Variants in C1QTNF3 observed in about 807,000 individuals in gnomAD.
C1QTNF3 encodes C1q and TNF related 3.
In C1QTNF3, 26 loss-of-function variants were observed where a neutral mutation model predicts 32.6. The ratio of observed to expected loss-of-function variants is 0.80; its 90% CI spans 0.58 to 1.11. The LOEUF is 1.11. Among genes scored for constraint, C1QTNF3 ranks in the 50% least tolerant of loss-of-function variants. The pLI is 0.00. For missense variants in C1QTNF3, 362 were observed against 398.2 expected (o/e 0.91, Z 0.77); for synonymous variants, 155 against 146.0 (o/e 1.06, Z -0.44).
the C1QTNF3 span, among the ~76,000 whole-genome samples, chr5:34,196,811 C>T: frequency 2.6e-5 from 4 of 152,030 alleles, no homozygotes; most frequent in Admixed American, 6.6e-5. Context: ...AGGCGCCCGC[C>T]ACCACGCCCG....
chr5:34,066,733 G>T, the C1QTNF3 span, among the ~76,000 whole-genome samples: 1 of 152,178 alleles, frequency 6.6e-6, no homozygotes, highest in East Asian at 1.9e-4. Context: ...GGGAGGTTCT[G>T]CCATGAAGAC....
the C1QTNF3 span, among the ~76,000 whole-genome samples, chr5:34,072,643 G>T: frequency 6.6e-6 from 1 of 152,096 alleles, no homozygotes; most frequent in Non-Finnish European, 1.5e-5. Flanking sequence ...AAAATCATGA[G>T]ACTTAATTTC....
chr5:34,121,376 G>C, the C1QTNF3 span, among the ~76,000 whole-genome samples: 68,631 of 151,830 alleles, frequency 0.45, 18,062 homozygotes, highest in Non-Finnish European at 0.58. Context: ...TTTAATTGGA[G>C]GTACAGTTCC....
chr5:34,178,150 G>A, the C1QTNF3 span, among the ~76,000 whole-genome samples: 4 of 148,224 alleles, frequency 2.7e-5, no homozygotes, highest in Non-Finnish European at 4.5e-5. Context: ...GCATGGTGGT[G>A]CATGCCTGTA....
At chr5:34,169,579 T>G in the C1QTNF3 span, among the ~76,000 whole-genome samples, 8 of 152,196 alleles carry the variant, frequency 5.3e-5, no homozygotes, top group African/African-American at 1.9e-4. Context: ...TTCGTTCTGT[T>G]GATTGTATCC....
At chr5:34,107,788 A>C in the C1QTNF3 span, among the ~76,000 whole-genome samples, 1,024 of 152,178 alleles carry the variant, frequency 6.7e-3, 10 homozygotes, top group African/African-American at 0.023. Context: ...TTTCCTCCCA[A>C]TAAATGTTAC....
At chr5:34,129,917 T>C in the C1QTNF3 span, among the ~76,000 whole-genome samples, 1 of 152,094 alleles carries the variant, frequency 6.6e-6, no homozygotes, top group Admixed American at 6.5e-5. Context: ...CATAACATTT[T>C]TTTCCTTCAG....
chr5:34,176,201 A>C, the C1QTNF3 span, among the ~76,000 whole-genome samples: 1 of 145,592 alleles, frequency 6.9e-6, no homozygotes, highest in Non-Finnish European at 1.5e-5. Context: ...GGAATTGAAC[A>C]ATGAGATCAC....
chr5:34,045,750 G>A (rs571146161), upstream of C1QTNF3, among the ~76,000 whole-genome samples: 1 of 151,976 alleles, frequency 6.6e-6, no homozygotes, highest in South Asian at 2.1e-4. Flanking sequence ...TCTGCCATTG[G>A]CCCATTATTG....
chr5:34,225,350 C>A, the C1QTNF3 span, among the ~76,000 whole-genome samples: 45 of 151,984 alleles, frequency 3.0e-4, 1 homozygote, highest in African/African-American at 9.9e-4. Context: ...TTTAAAATAT[C>A]TCTACACAAT....
At chr5:34,123,189 G>A in the C1QTNF3 span, among the ~76,000 whole-genome samples, 1 of 152,128 alleles carries the variant, frequency 6.6e-6, no homozygotes, top group Non-Finnish European at 1.5e-5. Flanking sequence ...ATCACAGAGA[G>A]CACCAACTAA....
the C1QTNF3 span, among the ~76,000 whole-genome samples, chr5:34,224,971 C>G: frequency 1.8e-4 from 27 of 152,058 alleles, no homozygotes; most frequent in Non-Finnish European, 3.8e-4. Flanking sequence ...AAACAAACAA[C>G]CTCATCAAAA....
chr5:34,229,514 A>G, the C1QTNF3 span, among the ~76,000 whole-genome samples: 1 of 152,204 alleles, frequency 6.6e-6, no homozygotes, highest in African/African-American at 2.4e-5. Flanking sequence ...CAGATAATTT[A>G]TAAGTTTGTT....
intron 2 of C1QTNF3, among the ~76,000 whole-genome samples, chr5:34,035,039 C>T (rs299591): frequency 0.44 from 67,448 of 151,906 alleles, 16,252 homozygotes; most frequent in South Asian, 0.71. Flanking sequence ...CCAAGATAGG[C>T]TTGGGAGCCC....
chr5:34,056,452 G>GTATATATA, the C1QTNF3 span, among the ~76,000 whole-genome samples: 7 of 53,484 alleles, frequency 1.3e-4, no homozygotes, highest in African/African-American at 4.3e-4. Context: ...GTGTGTGTGT[G>GTATATATA]TGTATATATA....
At chr5:34,136,783 A>C in the C1QTNF3 span, among the ~76,000 whole-genome samples, 1 of 152,256 alleles carries the variant, frequency 6.6e-6, no homozygotes, top group East Asian at 1.9e-4. Context: ...GATTAAGAAA[A>C]TGTGGCACAT....
chr5:34,170,219 G>A, the C1QTNF3 span, among the ~76,000 whole-genome samples: 3 of 152,110 alleles, frequency 2.0e-5, no homozygotes, highest in Non-Finnish European at 4.4e-5. Context: ...CTTATACGAG[G>A]TATCTGTAAT....
At chr5:34,136,417 C>T in the C1QTNF3 span, among the ~76,000 whole-genome samples, 1 of 152,182 alleles carries the variant, frequency 6.6e-6, no homozygotes, top group African/African-American at 2.4e-5. Context: ...CGTCACTAGT[C>T]ATCAGAGAAA....
chr5:34,099,905 C>CT, the C1QTNF3 span, among the ~76,000 whole-genome samples: 7 of 144,618 alleles, frequency 4.8e-5, no homozygotes, highest in South Asian at 2.3e-4. Context: ...AGGTTTGGGT[C>CT]TTTTTTTTTC....
Sources: gnomAD v4.1 joint callset for allele counts (sites outside exome capture counted in the v4.1 genomes callset) on GRCh38, gnomAD v4.1.1 for gene constraint, MANE v1.5 for transcripts, NCBI Gene and HGNC (gene_info 2026-07-23, HGNC 2026-07-21) for gene names.